Variants in ROCK1 observed in about 807,000 individuals in gnomAD.
The protein encoded by ROCK1 is rho-associated protein kinase 1.
ROCK1 carries 36 observed loss-of-function variants against 196.8 expected under a neutral mutation model. That is an observed-to-expected ratio of 0.18 (90% CI 0.14 to 0.24). The LOEUF is 0.24. ROCK1 is among the 10% of genes least tolerant of loss of function. The pLI is 1.00. For synonymous variants in ROCK1, 443 were observed against 515.9 expected (o/e 0.86, Z 1.91); for missense variants, 920 against 1,562.0 (o/e 0.59, Z 6.93).
intron 9 of ROCK1, among the ~76,000 whole-genome samples, chr18:21,031,279 A>G (rs2036003835): frequency 6.6e-6 from 1 of 152,184 alleles, no homozygotes; most frequent in Admixed American, 6.5e-5. Context: ...AAGAAGCAAG[A>G]AAATATGGGC....
At chr18:21,063,539 T>C (rs1376160416) in intron 2 of ROCK1, among the ~76,000 whole-genome samples, 1 of 152,130 alleles carries the variant, frequency 6.6e-6, no homozygotes, top group Non-Finnish European at 1.5e-5. Context: ...GTGTAGCTGA[T>C]GTGTAAGGAA....
At chr18:20,957,637 C>T (rs1283777438) in intron 29 of ROCK1, among the ~76,000 whole-genome samples, 5 of 151,900 alleles carry the variant, frequency 3.3e-5, no homozygotes, top group Admixed American at 1.3e-4. Context: ...CCTGCCACCA[C>T]GCCCAGCTAA....
intron 1 of ROCK1, among the ~76,000 whole-genome samples, chr18:21,071,153 A>G (rs1413863580): frequency 6.7e-6 from 1 of 150,056 alleles, no homozygotes; most frequent in East Asian, 2.0e-4. Context: ...GCAGTAAAGG[A>G]CACACCTGAG....
At chr18:20,998,267 A>G (rs1391116578) in intron 16 of ROCK1, among the ~76,000 whole-genome samples, 1 of 152,212 alleles carries the variant, frequency 6.6e-6, no homozygotes, top group African/African-American at 2.4e-5. Flanking sequence ...AATGAAAACA[A>G]AACATACAAA....
chr18:20,950,470 A>AC lies in ROCK1; in HGVS notation c.*913dup, dbSNP rs1312177781. 106 of 152,344 alleles carry AC rather than the reference A, an allele frequency of 7.0e-4. No individual in the cohort carries two copies. The highest frequency in any genetic ancestry group is 2.1e-3 in the African/African-American group (89 of 41,408). The allele number at this position is 152,344 out of a possible 1,614,324, so 9.4% of individuals were successfully genotyped here. A position where few individuals can be genotyped will look rare whatever the true frequency, so the allele number is the denominator to read the frequency against. The stretch of plus-strand genomic sequence containing the variant: ...ATTAAGGCACTAAAAGGACAATGCA[A>AC]CCCCCATTGAAAGTGTTCTAAGAAT... On this transcript the variant is annotated 3_prime_UTR_variant, in exon 33 of 33. Transcript: ENST00000399799.
intron 2 of ROCK1, among the ~76,000 whole-genome samples, chr18:21,054,412 C>T (rs2036230272): frequency 6.6e-6 from 1 of 152,046 alleles, no homozygotes; most frequent in South Asian, 2.1e-4. Flanking sequence ...CTGTAGTTCA[C>T]CAACTCCTGC....
chr18:21,014,438 T>A (rs1258184285), intron 13 of ROCK1, among the ~76,000 whole-genome samples: 1 of 152,210 alleles, frequency 6.6e-6, no homozygotes, highest in African/African-American at 2.4e-5. Flanking sequence ...ACAGAAAAGG[T>A]ACTCTTACTC....
At chr18:21,079,925 ACTG>A (rs931069754) in intron 1 of ROCK1, among the ~76,000 whole-genome samples, 9 of 152,182 alleles carry the variant, frequency 5.9e-5, no homozygotes, top group African/African-American at 1.9e-4. Flanking sequence ...GCAGTAGAAT[ACTG>A]CTTTTTCTTC....
At chr18:20,958,209 G>A (rs1043551162) in intron 29 of ROCK1, among the ~76,000 whole-genome samples, 20 of 152,022 alleles carry the variant, frequency 1.3e-4, no homozygotes, top group African/African-American at 4.8e-4. Context: ...GACAACTAAA[G>A]CTGTTTATTA....
chr18:21,105,256 G>A (rs1488806572), intron 1 of ROCK1, among the ~76,000 whole-genome samples: 1 of 152,126 alleles, frequency 6.6e-6, no homozygotes, highest in Non-Finnish European at 1.5e-5. Flanking sequence ...TTCAATCCAA[G>A]TTTAGGCCCT....
chr18:21,017,186 C>CTTTTTT (rs774542704), intron 12 of ROCK1, among the ~76,000 whole-genome samples: 57 of 99,074 alleles, frequency 5.8e-4, no homozygotes, highest in Admixed American at 8.8e-4. Flanking sequence ...TACCACACTT[C>CTTTTTT]TTTTTTTTTT....
chr18:20,959,358 C>T, intron 29 of ROCK1, among the ~76,000 whole-genome samples: 1 of 147,092 alleles, frequency 6.8e-6, no homozygotes, highest in African/African-American at 2.5e-5. Flanking sequence ...ACTACAGGCG[C>T]CTGCCACCAC....
At chr18:20,980,060 G>A (rs2035516653) in intron 21 of ROCK1, 56 bp from the exon 22 acceptor site, 1 of 1,437,740 alleles carries the variant, frequency 7.0e-7, no homozygotes, top group Admixed American at 3.3e-5. Flanking sequence ...AAAACAATTT[G>A]GCAGTTTCTT....
intron 8 of ROCK1, among the ~76,000 whole-genome samples, chr18:21,041,439 C>A (rs1280885381): frequency 5.3e-5 from 8 of 151,982 alleles, no homozygotes; most frequent in African/African-American, 1.9e-4. Flanking sequence ...TAAATATAAT[C>A]TTACTAATAC....
In ROCK1 at chr18:21,110,996, C is replaced by A. The variant is rs1254215755; in HGVS notation, c.-86G>T. ...AACTTCCTCCGCGGTGGGTTCGCAGCCGCGGGGCGGAGGAGCCGGAACCTC... is the reference window on the plus strand; with the variant it reads ...AACTTCCTCCGCGGTGGGTTCGCAGACGCGGGGCGGAGGAGCCGGAACCTC... On this transcript the variant is annotated 5_prime_UTR_variant, in exon 1 of 33. Coordinates refer to ENST00000399799, the MANE Select transcript of ROCK1 (RefSeq NM_005406.3). 4.3e-6 allele frequency: 5 copies of A among 1,158,956 alleles called. No individual in the cohort carries two copies. Among genetic ancestry groups the A allele is most frequent in the Admixed American group, 1.8e-5 (1 of 56,098 alleles). The allele number at this position is 1,158,956 out of a possible 1,614,324, so 71.8% of individuals were successfully genotyped here.
intron 9 of ROCK1, 52 bp from the exon 10 acceptor site, chr18:21,028,987 A>G (rs2035984325): frequency 1.3e-6 from 2 of 1,549,922 alleles, no homozygotes; most frequent in East Asian, 4.6e-5. Flanking sequence ...ATACAAGTAA[A>G]GTGAAGCACA....
intron 1 of ROCK1, among the ~76,000 whole-genome samples, chr18:21,102,051 C>T (rs1010264586): frequency 6.6e-6 from 1 of 151,988 alleles, no homozygotes; most frequent in Non-Finnish European, 1.5e-5. Flanking sequence ...CCTACTTCTG[C>T]GTATATTTGA....
intron 10 of ROCK1, among the ~76,000 whole-genome samples, chr18:21,024,028 T>G (rs2035936455): frequency 6.6e-6 from 1 of 152,178 alleles, no homozygotes; most frequent in Admixed American, 6.5e-5. Context: ...TGACAGGTTT[T>G]TCCACCAAAC....
At chr18:21,104,393 C>G (rs1439397597) in intron 1 of ROCK1, among the ~76,000 whole-genome samples, 1 of 152,014 alleles carries the variant, frequency 6.6e-6, no homozygotes, top group African/African-American at 2.4e-5. Flanking sequence ...GCCAGGAGAT[C>G]GAGACCATCC....
Sources: gnomAD v4.1 joint callset for allele counts (sites outside exome capture counted in the v4.1 genomes callset) on GRCh38, gnomAD v4.1.1 for gene constraint, MANE v1.5 for transcripts, NCBI Gene and HGNC (gene_info 2026-07-23, HGNC 2026-07-21) for gene names.